PDHX: variants seen among roughly 807,000 people sequenced by gnomAD.
PDHX encodes the protein pyruvate dehydrogenase complex component X.
Under a neutral mutation model 55.3 loss-of-function variants are expected in PDHX, and 33 were observed. That is an observed-to-expected ratio of 0.60 (90% CI 0.45 to 0.80). PDHX has a LOEUF of 0.80. Ranked by LOEUF, PDHX falls within the 30% of genes least tolerant of loss-of-function variation. The pLI is 0.00. For synonymous variants in PDHX, 226 were observed against 219.4 expected (o/e 1.03, Z -0.27); for missense variants, 622 against 619.9 (o/e 1.00, Z -0.04).
chr11:34,963,818 G>C (rs1432426034), intron 5 of PDHX, among the ~76,000 whole-genome samples: 2 of 152,172 alleles, frequency 1.3e-5, no homozygotes, highest in Non-Finnish European at 2.9e-5. Flanking sequence ...TTTTAAGAAA[G>C]CAGTGTCGAG....
intron 2 of PDHX, among the ~76,000 whole-genome samples, chr11:34,938,732 T>C (rs1472742129): frequency 2.6e-5 from 4 of 152,220 alleles, no homozygotes; most frequent in African/African-American, 7.2e-5. Flanking sequence ...TAATAAGTTA[T>C]TCACACCCGT....
intron 2 of PDHX, among the ~76,000 whole-genome samples, chr11:34,943,824 G>T (rs1474928216): frequency 6.6e-6 from 1 of 152,046 alleles, no homozygotes; most frequent in South Asian, 2.1e-4. Context: ...CTCAGAATAG[G>T]TGGTCATTGT....
At chr11:34,948,585 T>C (rs1180984748) in intron 3 of PDHX, among the ~76,000 whole-genome samples, 4 of 151,904 alleles carry the variant, frequency 2.6e-5, no homozygotes, top group Non-Finnish European at 1.5e-5. Context: ...TTTTTTTTTT[T>C]TTTTAGCCAC....
intron 10 of PDHX, among the ~76,000 whole-genome samples, chr11:34,993,217 A>G (rs1855791755): frequency 6.6e-6 from 1 of 151,832 alleles, no homozygotes; most frequent in Non-Finnish European, 1.5e-5. Flanking sequence ...TAGGATATAT[A>G]TTGTTTCAAA....
chr11:34,956,384 G>A (rs1051866389), intron 3 of PDHX, among the ~76,000 whole-genome samples: 4 of 152,010 alleles, frequency 2.6e-5, no homozygotes, highest in African/African-American at 9.7e-5. Flanking sequence ...TAGAAGTTAT[G>A]CTTTTCCTTA....
At chr11:34,929,537 A>G (rs1279868735) in intron 1 of PDHX, among the ~76,000 whole-genome samples, 2 of 152,232 alleles carry the variant, frequency 1.3e-5, no homozygotes, top group Admixed American at 6.5e-5. Flanking sequence ...AAAGGCTTAT[A>G]AGGATATTTG....
chr11:34,916,755 G>C lies in PDHX; in HGVS notation c.100G>C (p.Gly34Arg), dbSNP rs779650616. Residue 34 changes from glycine (G) to arginine (R), a missense_variant, in exon 1 of 11, where the codon GGG becomes CGG. Physicochemically the swap from Gly to Arg is moderately radical, Grantham distance 125 (BLOSUM62 -2). Coordinates refer to ENST00000227868, the MANE Select transcript of PDHX (RefSeq NM_003477.3). ...RSVGLVKGALGWSVSRGANWR... is the reference protein window; with the variant it reads ...RSVGLVKGALRWSVSRGANWR... Reference sequence around the variant, plus strand: ...CGTAGGGCTGGTGAAGGGGGCTCTTGGGTGGTCTGTAAGCCGCGGAGCTAA... The same window carrying C: ...CGTAGGGCTGGTGAAGGGGGCTCTTCGGTGGTCTGTAAGCCGCGGAGCTAA... 5 of 1,611,976 alleles carry C rather than the reference G, an allele frequency of 3.1e-6. No homozygotes were observed. Among genetic ancestry groups the C allele is most frequent in the Admixed American group, 3.3e-5 (2 of 59,742 alleles).
chr11:34,951,408 T>C (rs1438072801), intron 3 of PDHX, among the ~76,000 whole-genome samples: 2 of 152,136 alleles, frequency 1.3e-5, no homozygotes, highest in African/African-American at 4.8e-5. Flanking sequence ...TGAGATGGTA[T>C]CTCATTGTGG....
At chr11:34,971,713 A>G (rs967500092) in intron 7 of PDHX, among the ~76,000 whole-genome samples, 29 of 152,106 alleles carry the variant, frequency 1.9e-4, no homozygotes, top group African/African-American at 6.5e-4. Flanking sequence ...ACCTATGCCC[A>G]TGAGAAATGC....
chr11:34,931,544 T>TC (rs1854171247), intron 2 of PDHX, 60 bp downstream of exon 2: 6 of 948,848 alleles, frequency 6.3e-6, no homozygotes, highest in Non-Finnish European at 1.0e-5. Context: ...TTGTTTTGTT[T>TC]TTTTTTTTCC....
At chr11:34,984,520 C>G in intron 8 of PDHX, 50 bp from the exon 9 acceptor site, 2 of 1,512,152 alleles carry the variant, frequency 1.3e-6, no homozygotes, top group Non-Finnish European at 1.8e-6. Context: ...CTGTAACCGC[C>G]TTGGTCTAAA....
At position 34,973,778 on chromosome 11, in the gene PDHX, T is replaced by G. The variant is rs376916262; in HGVS notation, c.964+3492T>G. Among the ~76,000 whole-genome samples the G allele has an allele frequency of 4.6e-4, 70 of 152,320 alleles. 1 individual carries two copies. Among genetic ancestry groups the G allele is most frequent in the African/African-American group, 1.6e-3 (66 of 41,578 alleles). On this transcript the variant is annotated intron_variant, in intron 7 of 10. Transcript: ENST00000227868. ...GAATACATGTTTAATGTTTTTTGCT[T>G]TAGCAAATAAACTCTTTTGGAGTTT...
At chr11:34,960,633 C>T in intron 5 of PDHX, 115 bp downstream of exon 5, 1 of 640,338 alleles carries the variant, frequency 1.6e-6, no homozygotes, top group Non-Finnish European at 2.8e-6. Flanking sequence ...GTACACTGTT[C>T]TTCTTTTGTA....
chr11:34,917,592 C>A (rs1853763245), intron 1 of PDHX, among the ~76,000 whole-genome samples: 2 of 151,978 alleles, frequency 1.3e-5, no homozygotes, highest in Non-Finnish European at 2.9e-5. Flanking sequence ...TGACGTATTA[C>A]CTGCCAATCA....
Position 34,968,089 on chromosome 11 carries a change from A to G in PDHX, c.816+1275A>G, listed in dbSNP as rs1405272273. Among the ~76,000 whole-genome samples, 9 of 152,004 alleles carry G rather than the reference A, an allele frequency of 5.9e-5. No homozygotes were observed. The East Asian group carries it at 1.7e-3, about 29-fold the overall frequency. On this transcript the variant is annotated intron_variant, in intron 6 of 10. Coordinates refer to ENST00000227868, the MANE Select transcript of PDHX (RefSeq NM_003477.3). Reference sequence around the variant, plus strand: ...ATTCAAAGACCAGCCTGGGCAACATAGTGAGACCTCATCTCTACAAAAAAA... The same window carrying G: ...ATTCAAAGACCAGCCTGGGCAACATGGTGAGACCTCATCTCTACAAAAAAA...
At position 34,927,750 on chromosome 11, in the gene PDHX, A is replaced by G. The variant is rs12269970; in HGVS notation, c.161-3654A>G. ...TGAGGATAGATTAGTTAGAATAACT[A>G]CAAAATATATTGCACATTTAACTCT... On this transcript the variant is annotated intron_variant, in intron 1 of 10. Transcript: ENST00000227868. 1.4e-3 allele frequency among the ~76,000 whole-genome samples: 220 copies of G among 152,268 alleles called. 1 individual carries two copies. Among genetic ancestry groups the G allele is most frequent in the African/African-American group, 5.1e-3 (212 of 41,590 alleles).
chr11:34,942,555 G>A (rs1854513892), intron 2 of PDHX, among the ~76,000 whole-genome samples: 2 of 152,160 alleles, frequency 1.3e-5, no homozygotes, highest in South Asian at 4.1e-4. Flanking sequence ...ACTCTGCCAA[G>A]GAGTCTTTCT....
At chr11:34,982,884 A>G (rs1354793002) in intron 8 of PDHX, among the ~76,000 whole-genome samples, 1 of 152,200 alleles carries the variant, frequency 6.6e-6, no homozygotes, top group Non-Finnish European at 1.5e-5. Context: ...AACTATTCCA[A>G]TCAATAGAAA....
chr11:34,954,024 A>T (rs1186478653), intron 3 of PDHX, among the ~76,000 whole-genome samples: 1 of 152,190 alleles, frequency 6.6e-6, no homozygotes, highest in Non-Finnish European at 1.5e-5. Flanking sequence ...ACCAAAGTTC[A>T]TTGTTCATAT....
Sources: allele counts gnomAD v4.1 joint callset (sites outside exome capture counted in the v4.1 genomes callset), GRCh38; gene constraint gnomAD v4.1.1; transcripts MANE v1.5; gene names NCBI Gene and HGNC (gene_info 2026-07-23, HGNC 2026-07-21).